Variants in FBLN1 observed in about 807,000 individuals in gnomAD.
FBLN1 encodes the protein fibulin-1.
Under a neutral mutation model 89.7 loss-of-function variants are expected in FBLN1, and 34 were observed. That is an observed-to-expected ratio of 0.38 (90% CI 0.29 to 0.50). The LOEUF (loss-of-function observed/expected upper bound fraction) is 0.50. Among genes scored for constraint, FBLN1 ranks in the 20% least tolerant of loss-of-function variants. The probability of loss-of-function intolerance (pLI) is 0.92; values close to 1 mark genes in which losing one functional copy is unlikely to be tolerated. For synonymous variants in FBLN1, 393 were observed against 391.3 expected (o/e 1.00, Z -0.05); for missense variants, 777 against 988.1 (o/e 0.79, Z 2.86).
rs552726968 is a variant in FBLN1 at position 45,541,101 on chromosome 22, G to T, written c.923-128G>T. ...AGGCGGCTGTGTGGTCCAGAGTGAGGGGGTTGAGCCCCTCCATTTGTGGTT... is the reference window on the plus strand; with the variant it reads ...AGGCGGCTGTGTGGTCCAGAGTGAGTGGGTTGAGCCCCTCCATTTGTGGTT... On this transcript the variant is annotated intron_variant, in intron 8 of 16. Transcript: ENST00000327858. 34 of 1,209,052 alleles carry T rather than the reference G, an allele frequency of 2.8e-5. No individual in the cohort carries two copies. In the African/African-American group the frequency reaches 4.8e-4, roughly 17 times the overall value. 74.9% of individuals were successfully genotyped at this position (1,209,052 alleles called of 1,614,324 possible).
chr22:45,532,731 G>T lies in FBLN1; in HGVS notation c.545-332G>T, dbSNP rs1410368915. 2.0e-5 allele frequency among the ~76,000 whole-genome samples: 3 copies of T among 152,226 alleles called. No individual in the cohort carries two copies. Among genetic ancestry groups the T allele is most frequent in the African/African-American group, 7.2e-5 (3 of 41,542 alleles). On this transcript the variant is annotated intron_variant, in intron 5 of 16. Transcript: ENST00000327858. The surrounding 1 kb of genome is among the most constrained non-coding windows in gnomAD (Gnocchi z 4.2). Reference sequence around the variant, plus strand: ...GCCTAGTTGGGGCCTGGCCTTCCACGTGGAGCCCACACCCCCATGTCTGTG... The same window carrying T: ...GCCTAGTTGGGGCCTGGCCTTCCACTTGGAGCCCACACCCCCATGTCTGTG...
rs1024551436 is a variant in FBLN1 at position 45,541,323 on chromosome 22, C to T, written c.1017C>T (p.Pro339=). ...EGSYTCQKNV[P]NCGRGYHLNE... is the part of the protein sequence containing the mutation. ...CCTACACGTGCCAGAAGAACGTGCC[C>T]AACTGTGGCCGTGGCTACCATCTCA... is the stretch of plus-strand genomic sequence containing the variant. The change falls in exon 9 of 17, where the codon CCC becomes CCT. Residue 339 remains proline (P), a synonymous_variant. Coordinates refer to ENST00000327858, the MANE Select transcript of FBLN1 (RefSeq NM_006486.3). 10 of 1,614,138 alleles carry T rather than the reference C, an allele frequency of 6.2e-6. No individual in the cohort carries two copies. Among genetic ancestry groups the T allele is most frequent in the Non-Finnish European group, 8.5e-6 (10 of 1,180,044 alleles).
intron 14 of FBLN1, among the ~76,000 whole-genome samples, chr22:45,567,610 T>C (rs1272707976): frequency 1.3e-5 from 2 of 152,122 alleles, no homozygotes; most frequent in Non-Finnish European, 2.9e-5. Flanking sequence ...AGTGAGACTT[T>C]GTCTCAGAAA....
At chr22:45,542,996 A>G (rs927990331) in intron 10 of FBLN1, among the ~76,000 whole-genome samples, 36 of 152,292 alleles carry the variant, frequency 2.4e-4, no homozygotes, top group African/African-American at 8.2e-4. Context: ...GCCAGGCGCG[A>G]TGGCTCATGC....
At chr22:45,548,826 G>A (rs1463518734) in intron 13 of FBLN1, 82 bp downstream of exon 13, 34 of 1,583,566 alleles carry the variant, frequency 2.1e-5, no homozygotes, top group Non-Finnish European at 2.8e-5. Flanking sequence ...GGGCTCGGGG[G>A]CTGTGCTTCC....
chr22:45,518,636 C>T lies in FBLN1; in HGVS notation c.80-46C>T, dbSNP rs368372707. 6.4e-5 allele frequency: 93 copies of T among 1,458,514 alleles called. No homozygotes were observed. In the African/African-American group the frequency reaches 1.1e-3, roughly 17 times the overall value. The allele number at this position is 1,458,514 out of a possible 1,614,324, so 90.3% of individuals were successfully genotyped here. A position where few individuals can be genotyped will look rare whatever the true frequency, so the allele number is the denominator to read the frequency against. On this transcript the variant is annotated intron_variant, in intron 1 of 16. Coordinates refer to ENST00000327858, the MANE Select transcript of FBLN1 (RefSeq NM_006486.3). ...GGTGCATCTGGGAGGGCCCTCCACC[C>T]GCTGAGTGGTGAGCCACCTCTCAGC...
rs776925862 is a variant in FBLN1, at chr22:45,533,104, G to A, written c.586G>A (p.Glu196Lys). 18 of 1,614,210 alleles carry A rather than the reference G, an allele frequency of 1.1e-5. No homozygotes were observed. Among genetic ancestry groups the A allele is most frequent in the Middle Eastern group, 1.6e-4 (1 of 6,062 alleles). The stretch of plus-strand genomic sequence containing the variant: ...GCAGCAGTGCCGAGACACGGGTGAC[G>A]AGGTGGTCTGCTCCTGCTTCGTGGG... ...CKQQCRDTGD[E>K]VVCSCFVGYQ... is the part of the protein sequence containing the mutation. The change falls in exon 6 of 17, where the codon GAG becomes AAG. Residue 196 changes from glutamate (E) to lysine (K), a missense_variant. Glu to Lys is a moderately conservative substitution (Grantham distance 56). Coordinates refer to ENST00000327858, the MANE Select transcript of FBLN1 (RefSeq NM_006486.3).
chr22:45,518,637 G>A lies in FBLN1; in HGVS notation c.80-45G>A, dbSNP rs371968499. 2.7e-5 allele frequency: 39 copies of A among 1,454,082 alleles called. 1 individual carries two copies. The highest frequency in any genetic ancestry group is 1.7e-4 in the Middle Eastern group (1 of 5,826). The allele number at this position is 1,454,082 out of a possible 1,614,324, so 90.1% of individuals were successfully genotyped here. A position where few individuals can be genotyped will look rare whatever the true frequency, so the allele number is the denominator to read the frequency against. Reference sequence around the variant, plus strand: ...GTGCATCTGGGAGGGCCCTCCACCCGCTGAGTGGTGAGCCACCTCTCAGCT... The same window carrying A: ...GTGCATCTGGGAGGGCCCTCCACCCACTGAGTGGTGAGCCACCTCTCAGCT... On this transcript the variant is annotated intron_variant, in intron 1 of 16. Transcript: ENST00000327858.
chr22:45,580,744 G>A lies in FBLN1; in HGVS notation c.1972+3636G>A, dbSNP rs918061923. On this transcript the variant is annotated intron_variant, in intron 16 of 16. Coordinates refer to ENST00000327858, the MANE Select transcript of FBLN1 (RefSeq NM_006486.3). This position sits in a 1 kb window ranked among gnomAD's most constrained non-coding sequence, Gnocchi z 8.6. ...TGGATGTCCCAGAAAAACAATCAGC[G>A]CACAGGCCCCGGGGCTCGCCGTGTT... Among the ~76,000 whole-genome samples the A allele has an allele frequency of 3.9e-5, 6 of 152,160 alleles. No individual in the cohort carries two copies. Among genetic ancestry groups the A allele is most frequent in the African/African-American group, 1.2e-4 (5 of 41,450 alleles).
intron 14 of FBLN1, chr22:45,564,792 A>G (rs1359687170): frequency 3.3e-6 from 5 of 1,499,190 alleles, no homozygotes; most frequent in South Asian, 1.2e-5. Flanking sequence ...GTGCTCTGTC[A>G]ATGTCTGTTC....
At chr22:45,539,094 T>TC (rs1380851478) in intron 8 of FBLN1, among the ~76,000 whole-genome samples, 1 of 48,888 alleles carries the variant, frequency 2.0e-5, no homozygotes, top group Non-Finnish European at 3.8e-5. Flanking sequence ...CCTCCCATCC[T>TC]CCCCCTCCCT....
At chr22:45,542,716 G>C (rs552181015) in intron 10 of FBLN1, among the ~76,000 whole-genome samples, 74 of 152,322 alleles carry the variant, frequency 4.9e-4, no homozygotes, top group African/African-American at 1.7e-3. Context: ...GCCAGTGCCT[G>C]CTGTCACCAA....
At chr22:45,564,017 G>GA (rs1172793929) in intron 14 of FBLN1, among the ~76,000 whole-genome samples, 1 of 151,874 alleles carries the variant, frequency 6.6e-6, no homozygotes. Flanking sequence ...ATACTCACGG[G>GA]ATCCTTCATA....
In FBLN1 at chr22:45,597,227, TCA is replaced by T. The variant is rs1385776684; in HGVS notation, c.1973-3079_1973-3078del. On this transcript the variant is annotated intron_variant, in intron 16 of 16. Transcript: ENST00000327858. This position sits in a 1 kb window ranked among gnomAD's most constrained non-coding sequence, Gnocchi z 4.2. ...CACGTTGCCCACGCTGGTCTCGAACTCATGGGCTTGTGATCTGCCCGCCTAAG... is the reference window on the plus strand; with the variant it reads ...CACGTTGCCCACGCTGGTCTCGAACTTGGGCTTGTGATCTGCCCGCCTAAG... Among the ~76,000 whole-genome samples the T allele has an allele frequency of 3.9e-5, 6 of 152,308 alleles. No homozygotes were observed. The highest frequency in any genetic ancestry group is 1.4e-4 in the African/African-American group (6 of 41,558).
At chr22:45,504,288 T>C in intron 1 of FBLN1, among the ~76,000 whole-genome samples, 1 of 150,700 alleles carries the variant, frequency 6.6e-6, no homozygotes, top group South Asian at 2.1e-4. Context: ...AGCAGAGCCC[T>C]GTGGAGCTCT....
chr22:45,546,921 C>CGAT (rs901941981), intron 11 of FBLN1, among the ~76,000 whole-genome samples, 164 bp from the exon 12 acceptor site: 9 of 152,146 alleles, frequency 5.9e-5, no homozygotes, highest in African/African-American at 2.2e-4. Flanking sequence ...GAGCCACCAG[C>CGAT]GATGACGCCT....
Position 45,568,800 on chromosome 22 carries a change from T to C in FBLN1, c.1698-5711T>C, listed in dbSNP as rs573890636. Among the ~76,000 whole-genome samples, 32 of 28,402 alleles carry C rather than the reference T, an allele frequency of 1.1e-3. 2 individuals carry two copies. The highest frequency in any genetic ancestry group is 4.2e-3 in the African/African-American group (25 of 6,004). The allele number at this position is 28,402 out of a possible 152,430, so 18.6% of individuals were successfully genotyped here. ...AATGCTCCTCCTGTAAGGGAATGCC[T>C]CTTCTGTAGGGGAATGCTCCTCCTG... On this transcript the variant is annotated intron_variant, in intron 14 of 16. Transcript: ENST00000327858.
chr22:45,521,417 C>T (rs2088248564), intron 2 of FBLN1, among the ~76,000 whole-genome samples: 1 of 152,182 alleles, frequency 6.6e-6, no homozygotes, highest in Non-Finnish European at 1.5e-5. Flanking sequence ...TGACTCATCC[C>T]AGTGGACACA....
At chr22:45,529,691 C>T (rs1349998117) in intron 4 of FBLN1, among the ~76,000 whole-genome samples, 1 of 152,160 alleles carries the variant, frequency 6.6e-6, no homozygotes, top group Non-Finnish European at 1.5e-5. Context: ...CATGGGGAAA[C>T]CCTGTCTCTA....
Sources: gnomAD v4.1 joint callset for allele counts (sites outside exome capture counted in the v4.1 genomes callset) on GRCh38, gnomAD v4.1.1 for gene constraint, Gnocchi (gnomAD v3.1) non-coding constraint, MANE v1.5 for transcripts, NCBI Gene and HGNC (gene_info 2026-07-23, HGNC 2026-07-21) for gene names.